DOCK3: variants seen among roughly 807,000 people sequenced by gnomAD.
DOCK3 encodes the protein dedicator of cytokinesis 3.
DOCK3 carries 60 observed loss-of-function variants against 265.6 expected under a neutral mutation model. The ratio of observed to expected loss-of-function variants is 0.23; its 90% confidence interval spans 0.18 to 0.28. The LOEUF is 0.28. Ranked by LOEUF, DOCK3 falls within the 10% of genes least tolerant of loss-of-function variation. The probability of loss-of-function intolerance (pLI) is 1.00; values close to 1 mark genes in which losing one functional copy is unlikely to be tolerated. For synonymous variants in DOCK3, 881 were observed against 938.0 expected, an observed-to-expected ratio of 0.94 and a Z score of 1.11; for missense variants, 1,981 against 2,594.3, an observed-to-expected ratio of 0.76 and a Z score of 5.14.
chr3:50,835,837 C>G (rs1364983686), intron 2 of DOCK3, among the ~76,000 whole-genome samples: 5 of 152,156 alleles, frequency 3.3e-5, no homozygotes, highest in African/African-American at 9.7e-5. Flanking sequence ...CAAAGCCAAT[C>G]AGCTCATTCT....
At chr3:50,790,057 T>C (rs916179094) in intron 2 of DOCK3, among the ~76,000 whole-genome samples, 9 of 152,312 alleles carry the variant, frequency 5.9e-5, no homozygotes, top group African/African-American at 1.9e-4. Context: ...TTGTATAATA[T>C]CCCTCTTTGT....
At chr3:51,294,166 A>G (rs1455108968) in intron 27 of DOCK3, among the ~76,000 whole-genome samples, 1 of 152,212 alleles carries the variant, frequency 6.6e-6, no homozygotes, top group Non-Finnish European at 1.5e-5. Context: ...GTTATTCACA[A>G]TAGCAGAGAC....
chr3:51,213,923 A>G (rs112136123), intron 13 of DOCK3, among the ~76,000 whole-genome samples, 199 bp from the exon 14 acceptor site: 1 of 152,276 alleles, frequency 6.6e-6, no homozygotes, highest in African/African-American at 2.4e-5. Flanking sequence ...TCTCTGGGTT[A>G]TTGGGGTCAC....
chr3:50,942,034 G>A (rs1360925458), intron 5 of DOCK3, among the ~76,000 whole-genome samples: 1 of 151,986 alleles, frequency 6.6e-6, no homozygotes, highest in Admixed American at 6.6e-5. Flanking sequence ...TAATAATATT[G>A]TAACAATGTC....
At chr3:51,265,208 T>C (rs1248070815) in intron 23 of DOCK3, among the ~76,000 whole-genome samples, 1 of 152,014 alleles carries the variant, frequency 6.6e-6, no homozygotes, top group African/African-American at 2.4e-5. Context: ...AGGTAGAAAT[T>C]AGCAGCGTAC....
intron 12 of DOCK3, among the ~76,000 whole-genome samples, chr3:51,194,305 C>G (rs2088135834): frequency 6.6e-6 from 1 of 152,014 alleles, no homozygotes; most frequent in Non-Finnish European, 1.5e-5. Context: ...TGAGTTGAGG[C>G]TTGTTTTGTG....
In DOCK3 at chr3:51,016,734, ATAT is replaced by A. The variant is rs1484282226; in HGVS notation, c.316-47710_316-47708del. On this transcript the variant is annotated intron_variant, in intron 5 of 52. Coordinates refer to ENST00000266037, the MANE Select transcript of DOCK3 (RefSeq NM_004947.5). ...TATATCAATATAATATATATGATAC[ATAT>A]TATATATATCAATATAATATATATG... Among the ~76,000 whole-genome samples the A allele has an allele frequency of 4.8e-5, 2 of 41,366 alleles. 1 individual carries two copies. Among genetic ancestry groups the A allele is most frequent in the African/African-American group, 2.9e-4 (2 of 6,960 alleles). 27.1% of individuals were successfully genotyped at this position (41,366 alleles called of 152,430 possible).
intron 2 of DOCK3, among the ~76,000 whole-genome samples, chr3:50,781,986 T>G (rs2041940015): frequency 6.6e-6 from 1 of 152,232 alleles, no homozygotes; most frequent in Non-Finnish European, 1.5e-5. Context: ...TGTATAGTAT[T>G]CCATGGTGTA....
In DOCK3 at chr3:51,236,949, GC is replaced by G. The variant is rs560503471; in HGVS notation, c.2001+523del. Among the ~76,000 whole-genome samples, 291 of 152,240 alleles carry G rather than the reference GC, an allele frequency of 1.9e-3. 1 individual carries two copies. The highest frequency in any genetic ancestry group is 2.8e-3 in the Non-Finnish European group (188 of 68,006). The stretch of plus-strand genomic sequence containing the variant: ...CCTAATATATCCAGTCCCACAGAGA[GC>G]CATACATTCAAGAAGAGTCAGATAC... On this transcript the variant is annotated intron_variant, in intron 20 of 52. Transcript: ENST00000266037.
rs753075056 is a variant in DOCK3, at chr3:51,260,192, C to G, written c.2221C>G (p.Arg741Gly). 1.9e-6 allele frequency: 3 copies of G among 1,613,728 alleles called. No homozygotes were observed. The highest frequency in any genetic ancestry group is 2.5e-6 in the Non-Finnish European group (3 of 1,179,794). Residue 741 changes from arginine (R) to glycine (G), a missense_variant, in exon 23 of 53, where the codon CGG (arginine) becomes GGG (glycine). Around this residue, in one of 4 missense-constraint regions of DOCK3, gnomAD observed 1,357 missense variants for 1,866.8 expected, o/e 0.73. Transcript: ENST00000266037. ...EYLFKFIVQS[R>G]ILYSRATCGM... ...CCTTTTCAAGTTCATTGTACAGTCA[C>G]GGATCCTGTACTCACGAGCCACTTG...
At chr3:50,705,350 G>A (rs2036337447) in intron 1 of DOCK3, among the ~76,000 whole-genome samples, 1 of 152,068 alleles carries the variant, frequency 6.6e-6, no homozygotes. Context: ...GGATCCTGGG[G>A]CAGTTCCCCC....
intron 3 of DOCK3, among the ~76,000 whole-genome samples, chr3:50,849,586 T>C (rs2046263180): frequency 6.6e-6 from 1 of 152,122 alleles, no homozygotes; most frequent in African/African-American, 2.4e-5. Context: ...CCTGAGTAGC[T>C]GGGACTACAG....
chr3:50,823,783 C>A (rs1415304509), intron 2 of DOCK3, among the ~76,000 whole-genome samples: 1 of 152,174 alleles, frequency 6.6e-6, no homozygotes, highest in Admixed American at 6.5e-5. Context: ...GGGCGGCTGG[C>A]CGGGCCGGGG....
chr3:51,366,743 T>G (rs921122460), intron 49 of DOCK3, among the ~76,000 whole-genome samples: 2 of 152,266 alleles, frequency 1.3e-5, no homozygotes, highest in Admixed American at 1.3e-4. Flanking sequence ...CATTTCGTTA[T>G]GTACCCAGTA....
At chr3:51,278,279 A>G in intron 26 of DOCK3, 2 of 985,376 alleles carry the variant, frequency 2.0e-6, no homozygotes, top group Non-Finnish European at 2.4e-6. Flanking sequence ...TTTTTCTGTG[A>G]TCTAATTAGA....
chr3:50,954,917 G>A (rs1169502521), intron 5 of DOCK3, among the ~76,000 whole-genome samples: 3 of 152,122 alleles, frequency 2.0e-5, no homozygotes, highest in African/African-American at 4.8e-5. Flanking sequence ...GTCCAGGGTA[G>A]TATTGCCTAG....
intron 9 of DOCK3, 57 bp downstream of exon 9, chr3:51,090,441 G>T (rs1576034543): frequency 6.7e-7 from 1 of 1,501,386 alleles, no homozygotes; most frequent in African/African-American, 1.4e-5. Context: ...TGGGTCATAG[G>T]CATCTCTGGC....
At chr3:51,124,906 G>T (rs1395085267) in intron 9 of DOCK3, among the ~76,000 whole-genome samples, 1 of 150,900 alleles carries the variant, frequency 6.6e-6, no homozygotes. Flanking sequence ...GCGGTGGGTG[G>T]ATCACCTGAG....
chr3:51,322,989 G>C (rs2083841760), intron 32 of DOCK3, among the ~76,000 whole-genome samples: 2 of 151,034 alleles, frequency 1.3e-5, no homozygotes, highest in Non-Finnish European at 3.0e-5. Context: ...AAAAAGCAGG[G>C]GTTGCAATCC....
Sources: gnomAD v4.1 joint callset for allele counts (sites outside exome capture counted in the v4.1 genomes callset) on GRCh38, gnomAD v4.1.1 for gene constraint, gnomAD v4.1.1 regional missense constraint, MANE v1.5 for transcripts, NCBI Gene and HGNC (gene_info 2026-07-23, HGNC 2026-07-21) for gene names.